The following ZBTB46 variants were observed in gnomAD, a reference collection of about 807,000 sequenced individuals.
The protein encoded by ZBTB46 is zinc finger and BTB domain-containing protein 46.
ZBTB46 carries 8 observed loss-of-function variants against 44.1 expected under a neutral mutation model. The ratio of observed to expected loss-of-function variants is 0.18; its 90% CI spans 0.11 to 0.33. The LOEUF (loss-of-function observed/expected upper bound fraction) is 0.33, where lower values mean the gene tolerates loss of function less well. ZBTB46 is among the 10% of genes least tolerant of loss of function. The pLI, the probability that ZBTB46 is intolerant of heterozygous loss-of-function variation, is 1.00. For synonymous variants in ZBTB46, 409 were observed against 382.3 expected (o/e 1.07, Z -0.81); for missense variants, 651 against 847.7 (o/e 0.77, Z 2.88).
At chr20:63,806,881 C>T (rs995459657) in intron 1 of ZBTB46, among the ~76,000 whole-genome samples, 12 of 152,176 alleles carry the variant, frequency 7.9e-5, no homozygotes, top group Middle Eastern at 3.4e-3. Context: ...CTCCCAGGTT[C>T]ACGCCATTCT....
In ZBTB46 at chr20:63,745,191, G is replaced by C. The variant is rs889614364; in HGVS notation, c.*1739C>G. 3 of 152,356 alleles carry C rather than the reference G, an allele frequency of 2.0e-5. No individual in the cohort carries two copies. The highest frequency in any genetic ancestry group is 7.2e-5 in the African/African-American group (3 of 41,562). The allele number at this position is 152,356 out of a possible 1,614,324, so 9.4% of individuals were successfully genotyped here. Reference sequence around the variant, plus strand: ...GCTCACCGCTGAGGGGCCAGCGCTTGGCCCGGCTCCTATCCCCACACTCCG... The same window carrying C: ...GCTCACCGCTGAGGGGCCAGCGCTTCGCCCGGCTCCTATCCCCACACTCCG... On this transcript the variant is annotated 3_prime_UTR_variant, in exon 5 of 5. Transcript: ENST00000245663.
intron 1 of ZBTB46, among the ~76,000 whole-genome samples, chr20:63,809,695 C>T (rs2092706846): frequency 6.6e-6 from 1 of 152,214 alleles, no homozygotes; most frequent in African/African-American, 2.4e-5. Flanking sequence ...AGAATGGTGG[C>T]TCATGCCTGA....
intron 4 of ZBTB46, among the ~76,000 whole-genome samples, chr20:63,749,484 C>A (rs1002117609): frequency 6.6e-6 from 1 of 152,140 alleles, no homozygotes; most frequent in African/African-American, 2.4e-5. Context: ...CTACAGGCAC[C>A]CGCCACCACG....
At chr20:63,778,841 C>T (rs959020827) in intron 2 of ZBTB46, among the ~76,000 whole-genome samples, 7 of 152,206 alleles carry the variant, frequency 4.6e-5, no homozygotes, top group Non-Finnish European at 1.0e-4. Flanking sequence ...AAGGCTTTGT[C>T]TTAGCTTGGG....
At chr20:63,762,568 T>A (rs2092286160) in intron 3 of ZBTB46, among the ~76,000 whole-genome samples, 1 of 151,918 alleles carries the variant, frequency 6.6e-6, no homozygotes, top group Non-Finnish European at 1.5e-5. Flanking sequence ...GCAGGATAAT[T>A]GCTTGAACCT....
chr20:63,774,789 T>TGCCGGGTTCA (rs1555842830), intron 3 of ZBTB46, among the ~76,000 whole-genome samples: 80,231 of 147,676 alleles, frequency 0.54, 22,081 homozygotes, highest in Admixed American at 0.62. Context: ...CTGCAAGCTC[T>TGCCGGGTTCA]GCCTGCCGGG....
chr20:63,825,085 T>C lies in ZBTB46; in HGVS notation c.-34+6012A>G, dbSNP rs6011166. Among the ~76,000 whole-genome samples, 369 of 98,336 alleles carry C rather than the reference T, an allele frequency of 3.8e-3. 47 individuals carry two copies. Among genetic ancestry groups the C allele is most frequent in the East Asian group, 0.018 (26 of 1,454 alleles). The allele number at this position is 98,336 out of a possible 152,430, so 64.5% of individuals were successfully genotyped here. A position where few individuals can be genotyped will look rare whatever the true frequency, so the allele number is the denominator to read the frequency against. On this transcript the variant is annotated intron_variant, in intron 1 of 4. Transcript: ENST00000245663. Reference sequence around the variant, plus strand: ...CCTCCCTCCCCCATCTTCCCATCACTGCACCCCCATCTCACCATCATCAAA... The same window carrying C: ...CCTCCCTCCCCCATCTTCCCATCACCGCACCCCCATCTCACCATCATCAAA...
chr20:63,828,507 T>C (rs932880701), intron 1 of ZBTB46, among the ~76,000 whole-genome samples: 2 of 152,228 alleles, frequency 1.3e-5, no homozygotes, highest in East Asian at 3.8e-4. Context: ...TATTTTTTTT[T>C]TTAAATCTGC....
At chr20:63,754,937 T>C (rs1456927276) in intron 3 of ZBTB46, among the ~76,000 whole-genome samples, 1 of 152,250 alleles carries the variant, frequency 6.6e-6, no homozygotes, top group Admixed American at 6.5e-5. Flanking sequence ...TGGTTTCTAC[T>C]CTTCCTATAT....
chr20:63,747,503 A>AG (rs1322543822), intron 4 of ZBTB46, among the ~76,000 whole-genome samples: 2 of 14,094 alleles, frequency 1.4e-4, no homozygotes, highest in South Asian at 3.1e-3. Context: ...GGAGGTTGGG[A>AG]GGGGGGCCAG....
At chr20:63,822,169 C>A (rs1226886361) in intron 1 of ZBTB46, among the ~76,000 whole-genome samples, 1 of 152,228 alleles carries the variant, frequency 6.6e-6, no homozygotes, top group Non-Finnish European at 1.5e-5. Context: ...ACTCCCGAAA[C>A]AGGCAGAAAA....
chr20:63,784,413 C>T (rs932518517), intron 2 of ZBTB46, among the ~76,000 whole-genome samples: 3 of 152,252 alleles, frequency 2.0e-5, no homozygotes, highest in Non-Finnish European at 2.9e-5. Flanking sequence ...AAAATCCCAA[C>T]ATGTCAAGCT....
chr20:63,786,801 C>G (rs1035707354), intron 2 of ZBTB46, among the ~76,000 whole-genome samples: 1 of 152,124 alleles, frequency 6.6e-6, no homozygotes, highest in Non-Finnish European at 1.5e-5. Context: ...TGAGCCACCC[C>G]GCCCGGCCTC....
chr20:63,752,878 C>T lies in ZBTB46; in HGVS notation c.1223-17G>A, dbSNP rs746128704. ...ACTCATTCACTGAAAGAGAGGGACC[C>T]GCGAGGCGTCAGCAGGGCTTGGGAT... On this transcript the variant is annotated splice_polypyrimidine_tract_variant and intron_variant, in intron 3 of 4. Transcript: ENST00000245663. The surrounding 1 kb of genome is among the most constrained non-coding windows in gnomAD (Gnocchi z 5.6). 1 of 1,584,612 alleles carries T rather than the reference C, an allele frequency of 6.3e-7. No individual in the cohort carries two copies. The highest frequency in any genetic ancestry group is 8.6e-7 in the Non-Finnish European group (1 of 1,159,776).
intron 3 of ZBTB46, among the ~76,000 whole-genome samples, chr20:63,774,686 TG>T (rs1568852874): frequency 1.7e-5 from 2 of 117,798 alleles, no homozygotes; most frequent in African/African-American, 3.3e-5. Context: ...CTGGCTGCGG[TG>T]GGTTTTTTTT....
intron 3 of ZBTB46, among the ~76,000 whole-genome samples, chr20:63,758,395 C>T (rs1408559076): frequency 9.2e-5 from 14 of 151,966 alleles, no homozygotes; most frequent in Admixed American, 7.9e-4. Context: ...CCAAACAAGG[C>T]TCCGGCCTGC....
At chr20:63,795,624 T>C (rs774223300) in intron 1 of ZBTB46, among the ~76,000 whole-genome samples, 34 of 152,196 alleles carry the variant, frequency 2.2e-4, no homozygotes, top group Non-Finnish European at 4.9e-4. Flanking sequence ...AGCCTGTGCT[T>C]CTAGGTCCAA....
chr20:63,777,763 T>C (rs2092437576), intron 2 of ZBTB46, among the ~76,000 whole-genome samples: 1 of 152,170 alleles, frequency 6.6e-6, no homozygotes, highest in African/African-American at 2.4e-5. Context: ...GATGGACGAA[T>C]GGATAAACAT....
At position 63,793,724 on chromosome 20, in the gene ZBTB46, G is replaced by A. The variant is rs549457266; in HGVS notation, c.-33-2934C>T. Among the ~76,000 whole-genome samples the A allele has an allele frequency of 3.1e-3, 469 of 152,150 alleles. 1 individual carries two copies. Among genetic ancestry groups the A allele is most frequent in the African/African-American group, 0.011 (443 of 41,506 alleles). Reference sequence around the variant, plus strand: ...CCACGTAAGATTTTATAGAAGCAGCGGCTACCTCACAACGGTTCACATCTC... The same window carrying A: ...CCACGTAAGATTTTATAGAAGCAGCAGCTACCTCACAACGGTTCACATCTC... On this transcript the variant is annotated intron_variant, in intron 1 of 4. Transcript: ENST00000245663.
Sources: allele counts gnomAD v4.1 joint callset (sites outside exome capture counted in the v4.1 genomes callset), GRCh38; gene constraint gnomAD v4.1.1; non-coding constraint Gnocchi (gnomAD v3.1); transcripts MANE v1.5; gene names NCBI Gene and HGNC (gene_info 2026-07-23, HGNC 2026-07-21).